Variants in MYB observed in about 807,000 individuals in gnomAD.
The protein encoded by MYB is transcriptional activator Myb.
MYB carries 28 observed loss-of-function variants against 92.9 expected under a neutral mutation model. That is an observed-to-expected ratio of 0.30 (90% confidence interval 0.22 to 0.41). The LOEUF is 0.41. Ranked by LOEUF, MYB falls within the 10% of genes least tolerant of loss-of-function variation. The probability of loss-of-function intolerance (pLI) is 1.00; values close to 1 mark genes in which losing one functional copy is unlikely to be tolerated. For missense variants in MYB, 679 were observed against 929.3 expected, an observed-to-expected ratio of 0.73 and a Z score of 3.50; for synonymous variants, 295 against 329.1, an observed-to-expected ratio of 0.90 and a Z score of 1.12.
At chr6:135,183,453 T>G (rs932130664) in intron 1 of MYB, among the ~76,000 whole-genome samples, 20 of 152,318 alleles carry the variant, frequency 1.3e-4, no homozygotes, top group Admixed American at 8.5e-4. Flanking sequence ...AGTTGTACTC[T>G]TGTAACCACA....
At chr6:135,201,492 AG>A (rs1778083188) in intron 13 of MYB, 146 bp from the exon 14 acceptor site, 2 of 495,512 alleles carry the variant, frequency 4.0e-6, no homozygotes, top group Non-Finnish European at 7.1e-6. Flanking sequence ...TGTTGAATCC[AG>A]AAGATAGAGC....
At chr6:135,209,966 C>T (rs770738395) in intron 15 of MYB, among the ~76,000 whole-genome samples, 2 of 152,142 alleles carry the variant, frequency 1.3e-5, no homozygotes, top group African/African-American at 2.4e-5. Context: ...GCCTAGAAAG[C>T]GTGCATTTGT....
intron 11 of MYB, 112 bp downstream of exon 11, chr6:135,199,162 A>G (rs1287640138): frequency 5.9e-6 from 5 of 847,484 alleles, no homozygotes; most frequent in Middle Eastern, 3.1e-4. Flanking sequence ...TTTACTGACC[A>G]TTTATATATA....
At chr6:135,193,809 G>A (rs765997036) in intron 6 of MYB, 29 bp from the exon 7 acceptor site, 7 of 1,516,540 alleles carry the variant, frequency 4.6e-6, no homozygotes, top group Admixed American at 1.7e-5. Flanking sequence ...CCTGAATGAC[G>A]TGGCCTTTGT....
At position 135,182,675 on chromosome 6, in the gene MYB, C is replaced by T. The variant is rs888722874; in HGVS notation, c.23+1139C>T. On this transcript the variant is annotated intron_variant, in intron 1 of 15. Coordinates refer to ENST00000341911, the MANE Select transcript of MYB (RefSeq NM_001130173.2). This position sits in a 1 kb window ranked among gnomAD's most constrained non-coding sequence, Gnocchi z 5.6. Reference sequence around the variant, plus strand: ...TCGCGAAGGAGTTCTAAGGCGAAGTCCATGGAGGCAAAGCAAATCCATTCG... The same window carrying T: ...TCGCGAAGGAGTTCTAAGGCGAAGTTCATGGAGGCAAAGCAAATCCATTCG... Among the ~76,000 whole-genome samples the T allele has an allele frequency of 3.3e-5, 5 of 152,184 alleles. No homozygotes were observed. The highest frequency in any genetic ancestry group is 7.3e-5 in the Non-Finnish European group (5 of 68,032).
At position 135,195,838 on chromosome 6, in the gene MYB, T is replaced by C. The variant is rs1777223945; in HGVS notation, c.1039T>C (p.Cys347Arg). The C allele has an allele frequency of 6.2e-7, 1 of 1,614,124 alleles. No homozygotes were observed. Among genetic ancestry groups the C allele is most frequent in the South Asian group, 1.1e-5 (1 of 91,060 alleles). ...RPHGDSAPVS[C>R]LGEHHSTPSL... ...TCATGGAGACAGTGCACCTGTTTCCTGTTTGGGAGAACACCACTCCACTCC... is the reference window on the plus strand; with the variant it reads ...TCATGGAGACAGTGCACCTGTTTCCCGTTTGGGAGAACACCACTCCACTCC... The change falls in exon 9 of 16, where the codon TGT (cysteine) becomes CGT (arginine). Residue 347 changes from cysteine to arginine, a missense_variant. Cys to Arg is a radical substitution (Grantham distance 180, BLOSUM62 -3). This residue lies in a region of MYB where 56 missense variants were observed against 55.8 expected (regional missense o/e 1.00). Transcript: ENST00000341911.
At chr6:135,217,695 A>G (rs1780642527) in intron 15 of MYB, among the ~76,000 whole-genome samples, 169 bp from the exon 16 acceptor site, 1 of 152,226 alleles carries the variant, frequency 6.6e-6, no homozygotes, top group South Asian at 2.1e-4. Context: ...CTGATCATCC[A>G]TATCCCTTAA....
chr6:135,210,480 T>C (rs1779557993), intron 15 of MYB, among the ~76,000 whole-genome samples: 1 of 152,276 alleles, frequency 6.6e-6, no homozygotes, highest in Non-Finnish European at 1.5e-5. Context: ...TTGCTAGCAG[T>C]TGATACTCCC....
intron 15 of MYB, among the ~76,000 whole-genome samples, chr6:135,211,683 CCT>C (rs1471500140): frequency 6.6e-6 from 1 of 152,126 alleles, no homozygotes; most frequent in Non-Finnish European, 1.5e-5. Context: ...GGTGAAGAGA[CCT>C]CTAGAGACAT....
At chr6:135,197,443 C>A in intron 10 of MYB, 120 bp downstream of exon 10, 1 of 990,846 alleles carries the variant, frequency 1.0e-6, no homozygotes, top group Non-Finnish European at 1.5e-6. Flanking sequence ...TGATTTCATT[C>A]TGTCGTTGAA....
chr6:135,203,430 T>G (rs183491959), intron 15 of MYB, 106 bp downstream of exon 15: 5 of 911,198 alleles, frequency 5.5e-6, no homozygotes, highest in African/African-American at 1.7e-5. Flanking sequence ...GGTCTGTTTT[T>G]CGTTTTCAAC....
At chr6:135,194,205 G>T in intron 7 of MYB, 151 bp from the exon 8 acceptor site, 1 of 636,060 alleles carries the variant, frequency 1.6e-6, no homozygotes, top group Non-Finnish European at 2.7e-6. Flanking sequence ...CATTCACAAA[G>T]ATTTCTGCAG....
chr6:135,213,666 C>T (rs80066618), intron 15 of MYB, among the ~76,000 whole-genome samples: 65 of 152,222 alleles, frequency 4.3e-4, no homozygotes, highest in African/African-American at 1.3e-3. Flanking sequence ...TGGATCACTT[C>T]AGTCCAGGAG....
intron 11 of MYB, 48 bp downstream of exon 11, chr6:135,199,098 T>TTCCA: frequency 2.1e-6 from 3 of 1,434,382 alleles, no homozygotes; most frequent in Non-Finnish European, 2.8e-6. Flanking sequence ...TTTACTTATA[T>TTCCA]TTAATTAATG....
chr6:135,192,821 C>T (rs959641181), intron 6 of MYB, among the ~76,000 whole-genome samples: 4 of 152,086 alleles, frequency 2.6e-5, no homozygotes, highest in East Asian at 1.9e-4. Context: ...ACGAGCTGTC[C>T]GATTCTAAAT....
chr6:135,196,877 C>T (rs1777394376), intron 9 of MYB, 84 bp from the exon 10 acceptor site: 11 of 1,584,266 alleles, frequency 6.9e-6, no homozygotes, highest in Middle Eastern at 1.7e-4. Context: ...GTTTGCTTTG[C>T]GTTGAGCATC....
chr6:135,188,708 C>T (rs1294241720), intron 3 of MYB, among the ~76,000 whole-genome samples: 4 of 152,000 alleles, frequency 2.6e-5, no homozygotes, highest in African/African-American at 7.3e-5. Context: ...CAAGGTTTCA[C>T]CATATTGATC....
Position 135,218,251 on chromosome 6 carries a change from A to T in MYB, c.*271A>T, listed in dbSNP as rs55938804. 6.0e-4 allele frequency: 145 copies of T among 242,736 alleles called. No homozygotes were observed. Among genetic ancestry groups the T allele is most frequent in the African/African-American group, 5.1e-3 (72 of 14,166 alleles). The allele number at this position is 242,736 out of a possible 1,614,324, so 15.0% of individuals were successfully genotyped here. A position where few individuals can be genotyped will look rare whatever the true frequency, so the allele number is the denominator to read the frequency against. On this transcript the variant is annotated 3_prime_UTR_variant, in exon 16 of 16. Coordinates refer to ENST00000341911, the MANE Select transcript of MYB (RefSeq NM_001130173.2). ...TTAATATCTTAATGCAGATTTTTTT[A>T]AAAAAAACATAAAATGATTTATCTG...
chr6:135,189,783 T>C lies in MYB; in HGVS notation c.214-8T>C, dbSNP rs944208267. 6.2e-7 allele frequency: 1 copy of C among 1,612,310 alleles called. No individual in the cohort carries two copies. The highest frequency in any genetic ancestry group is 8.5e-7 in the Non-Finnish European group (1 of 1,178,890). ...ATCTTTATGGTGGTGCATACTTTAT[T>C]TGTCTAGAATCGAACAGATGTGCAG... On this transcript the variant is annotated splice_region_variant and splice_polypyrimidine_tract_variant and intron_variant, in intron 3 of 15. Transcript: ENST00000341911.
Sources: gnomAD v4.1 joint callset for allele counts (sites outside exome capture counted in the v4.1 genomes callset) on GRCh38, gnomAD v4.1.1 for gene constraint, gnomAD v4.1.1 regional missense constraint, Gnocchi (gnomAD v3.1) non-coding constraint, MANE v1.5 for transcripts, NCBI Gene and HGNC (gene_info 2026-07-23, HGNC 2026-07-21) for gene names.